The following SKI variants were observed in gnomAD, a reference collection of about 807,000 sequenced individuals.
SKI encodes SKI proto-oncogene, also known as ski oncogene.
SKI carries 23 observed loss-of-function variants against 59.3 expected under a neutral mutation model. The observed-to-expected ratio is 0.39, with a 90% CI of 0.28 to 0.55. The LOEUF (loss-of-function observed/expected upper bound fraction) is 0.55. SKI is among the 20% of genes least tolerant of loss of function. SKI has a pLI of 0.67. For synonymous variants in SKI, 673 were observed against 488.6 expected (o/e 1.38, Z -4.98); for missense variants, 1,017 against 1,038.9 (o/e 0.98, Z 0.29).
At chr1:2,277,503 T>C (rs1360018031) in intron 1 of SKI, among the ~76,000 whole-genome samples, 1 of 152,242 alleles carries the variant, frequency 6.6e-6, no homozygotes, top group African/African-American at 2.4e-5. Context: ...GCCGCTGCCA[T>C]GTAAAAAGTG....
chr1:2,240,005 T>C (rs1638831869), intron 1 of SKI, among the ~76,000 whole-genome samples: 1 of 152,258 alleles, frequency 6.6e-6, no homozygotes, highest in Non-Finnish European at 1.5e-5. Context: ...TTTTCCCAGC[T>C]GAACGTCGTT....
At chr1:2,290,043 C>T (rs1327645995) in intron 1 of SKI, among the ~76,000 whole-genome samples, 7 of 152,200 alleles carry the variant, frequency 4.6e-5, no homozygotes, top group South Asian at 4.1e-4. Context: ...AGCACAGAGA[C>T]CCTTGCCCTC....
At position 2,303,337 on chromosome 1, in the gene SKI, C is replaced by A. The variant is rs1308352479; in HGVS notation, c.1148C>A (p.Ser383Tyr). The A allele has an allele frequency of 6.2e-7, 1 of 1,613,898 alleles. No homozygotes were observed. Among genetic ancestry groups the A allele is most frequent in the African/African-American group, 1.3e-5 (1 of 75,068 alleles). Reference protein sequence around the residue: ...RQRLSAFRPWSPAVSASEKEL... With the variant: ...RQRLSAFRPWYPAVSASEKEL... Reference sequence around the variant, plus strand: ...CGCCTCTCTGCTTTCCGACCCTGGTCCCCCGCAGTGTCAGCGAGTGAGAAA... The same window carrying A: ...CGCCTCTCTGCTTTCCGACCCTGGTACCCCGCAGTGTCAGCGAGTGAGAAA... Residue 383 changes from serine (S) to tyrosine (Y), a missense_variant, in exon 3 of 7, where the codon TCC becomes TAC. Physicochemically the swap from Ser to Tyr is moderately radical, Grantham distance 144 (BLOSUM62 -2). Coordinates refer to ENST00000378536, the MANE Select transcript of SKI (RefSeq NM_003036.4). The surrounding 1 kb of genome is among the most constrained non-coding windows in gnomAD (Gnocchi z 5.6).
In SKI at chr1:2,229,632, A is replaced by T; in HGVS notation, c.866A>T (p.Gln289Leu). ...ANWRAYILLS[Q>L]DYTGKEEQAR... ...TGGCGGGCCTACATCCTGCTGAGCC[A>T]GGATTACACGGGCAAGGAGGAGCAG... is the stretch of plus-strand genomic sequence containing the variant. Residue 289 changes from glutamine (Q) to leucine (L), a missense_variant, in exon 1 of 7, where the codon CAG becomes CTG. Transcript: ENST00000378536. The surrounding 1 kb of genome is among the most constrained non-coding windows in gnomAD (Gnocchi z 6.3). 1 of 1,612,532 alleles carries T rather than the reference A, an allele frequency of 6.2e-7. No homozygotes were observed. The highest frequency in any genetic ancestry group is 8.5e-7 in the Non-Finnish European group (1 of 1,179,872).
intron 1 of SKI, among the ~76,000 whole-genome samples, chr1:2,241,074 G>T (rs1001312402): frequency 6.6e-6 from 1 of 152,240 alleles, no homozygotes; most frequent in African/African-American, 2.4e-5. Flanking sequence ...ACATGGAAGA[G>T]GGAGCCCAGG....
At chr1:2,300,762 C>T (rs1458158515) in intron 1 of SKI, among the ~76,000 whole-genome samples, 1 of 152,210 alleles carries the variant, frequency 6.6e-6, no homozygotes, top group Non-Finnish European at 1.5e-5. Flanking sequence ...TCTCCGAAGG[C>T]TCGTCCTGGC....
chr1:2,269,434 C>T lies in SKI; in HGVS notation c.970-33544C>T, dbSNP rs1040256960. 1.3e-5 allele frequency among the ~76,000 whole-genome samples: 2 copies of T among 152,256 alleles called. No homozygotes were observed. The highest frequency in any genetic ancestry group is 2.4e-5 in the African/African-American group (1 of 41,462). ...TCACTAGTAGGCCAAGCGGACACTG[C>T]GGGACACGTTCCCCAACGTGGGATG... On this transcript the variant is annotated intron_variant, in intron 1 of 6. Coordinates refer to ENST00000378536, the MANE Select transcript of SKI (RefSeq NM_003036.4). This position sits in a 1 kb window ranked among gnomAD's most constrained non-coding sequence, Gnocchi z 4.7.
intron 1 of SKI, among the ~76,000 whole-genome samples, chr1:2,302,022 G>A (rs879933020): frequency 3.9e-5 from 6 of 152,224 alleles, no homozygotes; most frequent in Admixed American, 1.3e-4. Context: ...TGTGCCTTGC[G>A]GGCAGCACCG....
chr1:2,305,990 C>T (rs753956444), intron 5 of SKI, 30 bp from the exon 6 acceptor site: 1 of 1,506,672 alleles, frequency 6.6e-7, no homozygotes, highest in Non-Finnish European at 9.0e-7. Context: ...ACCGGCTGGG[C>T]AGTGACCCCG....
rs972694830 is a variant in SKI, at chr1:2,268,215, C to T, written c.970-34763C>T. ...GCTGCTGTCGCCCATCCTTGGGGGC[C>T]GGCGTCGCCTCCCTGCTGCTCCTAC... On this transcript the variant is annotated intron_variant, in intron 1 of 6. Coordinates refer to ENST00000378536, the MANE Select transcript of SKI (RefSeq NM_003036.4). This position sits in a 1 kb window ranked among gnomAD's most constrained non-coding sequence, Gnocchi z 5.0. Among the ~76,000 whole-genome samples the T allele has an allele frequency of 2.3e-4, 35 of 152,150 alleles. No individual in the cohort carries two copies. The highest frequency in any genetic ancestry group is 8.0e-4 in the African/African-American group (33 of 41,432).
At chr1:2,286,908 T>C (rs1206297765) in intron 1 of SKI, among the ~76,000 whole-genome samples, 1 of 152,264 alleles carries the variant, frequency 6.6e-6, no homozygotes. Flanking sequence ...CGGAGAACTT[T>C]GCTTATAAAA....
chr1:2,270,657 A>T lies in SKI; in HGVS notation c.970-32321A>T, dbSNP rs769992452. ...CTGGGTGTCTGAACCCAAGGTGAAA[A>T]GTTCAGGCTGTCCCTGCTCTCCAGA... On this transcript the variant is annotated intron_variant, in intron 1 of 6. Coordinates refer to ENST00000378536, the MANE Select transcript of SKI (RefSeq NM_003036.4). This position sits in a 1 kb window ranked among gnomAD's most constrained non-coding sequence, Gnocchi z 4.1. Among the ~76,000 whole-genome samples the T allele has an allele frequency of 1.3e-5, 2 of 152,024 alleles. No homozygotes were observed. The highest frequency in any genetic ancestry group is 2.4e-5 in the African/African-American group (1 of 41,450).
rs1640588870 is a variant in SKI, at chr1:2,306,579, C to G, written c.2001C>G (p.Ile667Met). The G allele has an allele frequency of 5.2e-6, 8 of 1,542,186 alleles. 1 individual carries two copies. Among genetic ancestry groups the G allele is most frequent in the African/African-American group, 4.1e-5 (3 of 72,820 alleles). ...CTGACCACTCGGCTCCCTTTCAGAT[C>G]GAAGACCTGCAGGTGAAGCTGCAGC... ...GRLRAKYSAQIEDLQVKLQHA... is the reference protein window; with the variant it reads ...GRLRAKYSAQMEDLQVKLQHA... The change falls in exon 7 of 7, where the codon ATC becomes ATG. Residue 667 changes from isoleucine to methionine, a missense_variant and splice_region_variant. Physicochemically the swap from Ile to Met is conservative, Grantham distance 10. Transcript: ENST00000378536.
chr1:2,275,657 C>A (rs1163577354), intron 1 of SKI, among the ~76,000 whole-genome samples: 1 of 152,192 alleles, frequency 6.6e-6, no homozygotes, highest in Non-Finnish European at 1.5e-5. Flanking sequence ...GGACTACAGG[C>A]GTGTGCCATC....
chr1:2,305,146 C>T (rs1311012589), intron 5 of SKI, among the ~76,000 whole-genome samples: 5 of 152,238 alleles, frequency 3.3e-5, no homozygotes, highest in Non-Finnish European at 7.3e-5. Context: ...CACACACACA[C>T]CCACCTGCAC....
At chr1:2,264,175 A>C (rs1386396742) in intron 1 of SKI, among the ~76,000 whole-genome samples, 3 of 152,250 alleles carry the variant, frequency 2.0e-5, no homozygotes, top group Non-Finnish European at 2.9e-5. Context: ...TCAACTAAAA[A>C]TGCCATTTCT....
intron 5 of SKI, among the ~76,000 whole-genome samples, chr1:2,305,097 G>T (rs951417865): frequency 1.3e-5 from 2 of 152,196 alleles, no homozygotes; most frequent in Non-Finnish European, 2.9e-5. Context: ...CTCCCGCCAG[G>T]CCTCCCGAGT....
intron 1 of SKI, among the ~76,000 whole-genome samples, chr1:2,287,790 A>G (rs1640075132): frequency 6.6e-6 from 1 of 151,888 alleles, no homozygotes; most frequent in African/African-American, 2.4e-5. Context: ...ATCTCCCCTC[A>G]CCTTGGGGGA....
chr1:2,267,905 G>C lies in SKI; in HGVS notation c.970-35073G>C, dbSNP rs1378431610. ...CAGCTTGAACCTCAGGCCACCTCCA[G>C]TGGGAGGCTGGAGGTCCTGTGTGCC... On this transcript the variant is annotated intron_variant, in intron 1 of 6. Coordinates refer to ENST00000378536, the MANE Select transcript of SKI (RefSeq NM_003036.4). The surrounding 1 kb of genome is among the most constrained non-coding windows in gnomAD (Gnocchi z 4.1). Among the ~76,000 whole-genome samples the C allele has an allele frequency of 4.6e-5, 7 of 152,336 alleles. No individual in the cohort carries two copies. The South Asian group carries it at 1.2e-3, about 27-fold the overall frequency.
Sources: allele counts gnomAD v4.1 joint callset (sites outside exome capture counted in the v4.1 genomes callset), GRCh38; gene constraint gnomAD v4.1.1; non-coding constraint Gnocchi (gnomAD v3.1); transcripts MANE v1.5; gene names NCBI Gene and HGNC (gene_info 2026-07-23, HGNC 2026-07-21).